SGCZ: variants seen among roughly 807,000 people sequenced by gnomAD.
SGCZ encodes the protein sarcoglycan zeta, also known as zeta-sarcoglycan.
In SGCZ, 40 loss-of-function variants were observed where a neutral mutation model predicts 41.3. The observed-to-expected ratio is 0.97, with a 90% CI of 0.75 to 1.26. The LOEUF is 1.26. Among genes scored for constraint, SGCZ ranks in the 50% most tolerant of loss-of-function variants. SGCZ has a pLI of 0.00. For synonymous variants in SGCZ, 206 were observed against 137.5 expected, an observed-to-expected ratio of 1.50 and a Z score of -3.49; for missense variants, 552 against 369.8, an observed-to-expected ratio of 1.49 and a Z score of -4.04.
chr8:14,888,099 G>A (rs1202900718), intron 1 of SGCZ, among the ~76,000 whole-genome samples: 1 of 152,006 alleles, frequency 6.6e-6, no homozygotes, highest in Non-Finnish European at 1.5e-5. Context: ...AATTTGTCAA[G>A]ATGTAATAAA....
intron 1 of SGCZ, among the ~76,000 whole-genome samples, chr8:15,092,957 T>C (rs1415034781): frequency 6.6e-6 from 1 of 152,208 alleles, no homozygotes; most frequent in Admixed American, 6.5e-5. Flanking sequence ...CTTTTGGAAA[T>C]TGTTTGCAGA....
intron 2 of SGCZ, among the ~76,000 whole-genome samples, chr8:14,442,693 A>C (rs1220526435): frequency 6.6e-6 from 1 of 152,166 alleles, no homozygotes; most frequent in Non-Finnish European, 1.5e-5. Flanking sequence ...CTAGTTAATG[A>C]CTACAGTAAG....
At chr8:14,189,542 G>T (rs984953183) in intron 4 of SGCZ, among the ~76,000 whole-genome samples, 12 of 152,132 alleles carry the variant, frequency 7.9e-5, no homozygotes, top group African/African-American at 2.9e-4. Context: ...ACCCTGACAT[G>T]TTCTCAGCCG....
chr8:14,984,594 G>GT (rs1251297886), intron 1 of SGCZ, among the ~76,000 whole-genome samples: 1 of 151,808 alleles, frequency 6.6e-6, no homozygotes, highest in East Asian at 1.9e-4. Flanking sequence ...CATTTAACAG[G>GT]TTTTTCTGAC....
At chr8:15,081,200 TA>T (rs894932515) in intron 1 of SGCZ, among the ~76,000 whole-genome samples, 16 of 152,336 alleles carry the variant, frequency 1.1e-4, no homozygotes, top group African/African-American at 3.8e-4. Context: ...CTATGGTGGC[TA>T]AATCGTCTTT....
At chr8:14,560,361 A>T (rs1367488482) in intron 1 of SGCZ, among the ~76,000 whole-genome samples, 4 of 152,050 alleles carry the variant, frequency 2.6e-5, no homozygotes, top group Non-Finnish European at 4.4e-5. Flanking sequence ...TAAATTTTTA[A>T]AAAGCAGAAT....
At chr8:14,755,153 T>C (rs1799619612) in intron 1 of SGCZ, among the ~76,000 whole-genome samples, 1 of 152,166 alleles carries the variant, frequency 6.6e-6, no homozygotes, top group South Asian at 2.1e-4. Flanking sequence ...TCTCACTTGT[T>C]TTAAGTCTTG....
At chr8:14,399,875 A>G (rs1478898731) in intron 2 of SGCZ, among the ~76,000 whole-genome samples, 1 of 152,082 alleles carries the variant, frequency 6.6e-6, no homozygotes, top group African/African-American at 2.4e-5. Context: ...TTACTTCTTT[A>G]AAGTGTAATT....
chr8:15,116,113 T>C (rs1807258448), intron 1 of SGCZ, among the ~76,000 whole-genome samples: 1 of 152,220 alleles, frequency 6.6e-6, no homozygotes, highest in African/African-American at 2.4e-5. Context: ...GTGGTCAGAT[T>C]TGGTCTGCAG....
At chr8:14,885,984 GTTATATATATAT>G (rs1237862440) in intron 1 of SGCZ, among the ~76,000 whole-genome samples, 33 of 58,396 alleles carry the variant, frequency 5.7e-4, no homozygotes, top group African/African-American at 2.1e-3. Flanking sequence ...AGGACTTTAT[GTTATATATATAT>G]ATATATATAT....
At chr8:14,890,379 C>A (rs921233115) in intron 1 of SGCZ, among the ~76,000 whole-genome samples, 10 of 152,078 alleles carry the variant, frequency 6.6e-5, no homozygotes, top group African/African-American at 2.2e-4. Context: ...AGTGAAACAG[C>A]CTTATTTTTG....
intron 2 of SGCZ, among the ~76,000 whole-genome samples, chr8:14,390,878 T>G (rs1804747049): frequency 6.6e-6 from 1 of 152,076 alleles, no homozygotes. Context: ...ATTTTTAAAA[T>G]AGTAAAATGT....
chr8:14,890,693 T>A (rs1804978830), intron 1 of SGCZ, among the ~76,000 whole-genome samples: 1 of 152,316 alleles, frequency 6.6e-6, no homozygotes, highest in East Asian at 1.9e-4. Context: ...TTGACAGGTT[T>A]TCAACATAGA....
At chr8:14,534,373 A>G (rs1305367938) in intron 2 of SGCZ, among the ~76,000 whole-genome samples, 2 of 151,990 alleles carry the variant, frequency 1.3e-5, no homozygotes, top group Admixed American at 1.3e-4. Context: ...ACATGAGAGG[A>G]AATTAGTGAC....
intron 1 of SGCZ, among the ~76,000 whole-genome samples, chr8:14,581,671 C>G (rs938385916): frequency 6.6e-6 from 1 of 152,064 alleles, no homozygotes; most frequent in Admixed American, 6.6e-5. Context: ...AGTTACTATT[C>G]TTCTCTAAGA....
chr8:15,083,669 C>T (rs1346144105), intron 1 of SGCZ, among the ~76,000 whole-genome samples: 1 of 152,174 alleles, frequency 6.6e-6, no homozygotes, highest in Non-Finnish European at 1.5e-5. Flanking sequence ...CCACCTCAGC[C>T]TCCAGAGTAG....
intron 1 of SGCZ, among the ~76,000 whole-genome samples, chr8:14,991,375 G>C (rs1802009261): frequency 6.6e-6 from 1 of 152,092 alleles, no homozygotes; most frequent in Non-Finnish European, 1.5e-5. Flanking sequence ...GACCTATTCA[G>C]GCAGACTCTG....
intron 1 of SGCZ, among the ~76,000 whole-genome samples, chr8:15,223,854 A>ATTTT (rs1801685340): frequency 1.7e-5 from 2 of 117,344 alleles, no homozygotes; most frequent in South Asian, 3.2e-4. Context: ...TCCTTTTTAA[A>ATTTT]TTTTTATTTA....
intron 1 of SGCZ, chr8:14,853,424 G>A (rs755847659): frequency 1.9e-6 from 1 of 531,714 alleles, no homozygotes; most frequent in East Asian, 5.5e-5. Flanking sequence ...ATGAGGTAAA[G>A]GCTAGGACAC....
Sources: gnomAD v4.1 joint callset for allele counts (sites outside exome capture counted in the v4.1 genomes callset) on GRCh38, gnomAD v4.1.1 for gene constraint, MANE v1.5 for transcripts, NCBI Gene and HGNC (gene_info 2026-07-23, HGNC 2026-07-21) for gene names.